The following IGF2R variants were observed in gnomAD, a reference collection of about 807,000 sequenced individuals.
The protein encoded by IGF2R is cation-independent mannose-6-phosphate receptor.
A neutral mutation model predicts 270.6 loss-of-function variants in IGF2R; 91 were observed. That is an observed-to-expected ratio of 0.34 (90% CI 0.28 to 0.40). IGF2R has a LOEUF of 0.40. Ranked by LOEUF, IGF2R falls within the 10% of genes least tolerant of loss-of-function variation. The pLI is 1.00. For synonymous variants in IGF2R, 1,316 were observed against 1,258.9 expected (o/e 1.05, Z -0.96); for missense variants, 2,805 against 3,188.3 (o/e 0.88, Z 2.90).
intron 9 of IGF2R, among the ~76,000 whole-genome samples, chr6:160,033,819 A>G (rs1320807030): frequency 6.6e-6 from 1 of 152,248 alleles, no homozygotes; most frequent in African/African-American, 2.4e-5. Flanking sequence ...AAAAAAATGC[A>G]TTCAGCACAT....
At chr6:160,080,313 G>A (rs762436198) in intron 39 of IGF2R, 38 bp downstream of exon 39, 6 of 1,598,204 alleles carry the variant, frequency 3.8e-6, no homozygotes, top group Admixed American at 3.4e-5. Context: ...ATGGCCTGGG[G>A]CCTTGATACT....
In IGF2R at chr6:160,096,474, A is replaced by G. The variant is rs758559711; in HGVS notation, c.6691A>G (p.Lys2231Glu). 7.4e-6 allele frequency: 12 copies of G among 1,613,388 alleles called. No homozygotes were observed. Among genetic ancestry groups the G allele is most frequent in the East Asian group, 2.2e-5 (1 of 44,850 alleles). Residue 2231 changes from lysine (K) to glutamate (E), a missense_variant, in exon 45 of 48, where the codon AAG becomes GAG. Coordinates refer to ENST00000356956, the MANE Select transcript of IGF2R (RefSeq NM_000876.4). ...CGATGTCGTGTTTGCCTCTTCCTCT[A>G]AGTGCGGAAAGGATAAGACCAAGTC... ...DLDVVFASSS[K>E]CGKDKTKSVS...
intron 44 of IGF2R, chr6:160,094,219 C>T (rs143925835): frequency 8.9e-5 from 30 of 338,402 alleles, no homozygotes; most frequent in African/African-American, 6.4e-4. Context: ...TCTCAGTATC[C>T]ATTCGCCAGT....
At position 160,078,240 on chromosome 6, in the gene IGF2R, G is replaced by T; in HGVS notation, c.5356G>T (p.Val1786Leu). Residue 1786 changes from valine to leucine, a missense_variant, in exon 37 of 48, where the codon GTG (valine) becomes TTG (leucine). Coordinates refer to ENST00000356956, the MANE Select transcript of IGF2R (RefSeq NM_000876.4). Reference sequence around the variant, plus strand: ...GTTAAGGACCAGCGAGTGCGACTTTGTGTTCGAATGGGAGACTCCTGTCGT... The same window carrying T: ...GTTAAGGACCAGCGAGTGCGACTTTTTGTTCGAATGGGAGACTCCTGTCGT... ...KLLRTSECDF[V>L]FEWETPVVCP... 1.2e-6 allele frequency: 2 copies of T among 1,614,234 alleles called. No individual in the cohort carries two copies. Among genetic ancestry groups the T allele is most frequent in the Non-Finnish European group, 1.7e-6 (2 of 1,180,022 alleles).
chr6:160,085,224 G>A lies in IGF2R; in HGVS notation c.6205+93G>A, dbSNP rs576901856. 5 of 1,366,226 alleles carry A rather than the reference G, an allele frequency of 3.7e-6. No individual in the cohort carries two copies. In the East Asian group the frequency reaches 1.2e-4, roughly 34 times the overall value. 84.6% of individuals were successfully genotyped at this position (1,366,226 alleles called of 1,614,324 possible). ...TCAGGATGGCAAGGAGAGTGAGCAT[G>A]TGCTTTGGTGGAAACCTCCAGATAT... is the stretch of plus-strand genomic sequence containing the variant. On this transcript the variant is annotated intron_variant, in intron 41 of 47. Coordinates refer to ENST00000356956, the MANE Select transcript of IGF2R (RefSeq NM_000876.4).
At chr6:159,990,339 C>G (rs1004688529) in intron 1 of IGF2R, among the ~76,000 whole-genome samples, 4 of 152,140 alleles carry the variant, frequency 2.6e-5, no homozygotes, top group African/African-American at 7.2e-5. Context: ...GGCGGTTACC[C>G]TTATGCTGTT....
At chr6:160,073,130 G>GTCCT in intron 33 of IGF2R, 83 bp from the exon 34 acceptor site, 1 of 1,553,518 alleles carries the variant, frequency 6.4e-7, no homozygotes, top group Non-Finnish European at 8.8e-7. Flanking sequence ...GAAATTGATG[G>GTCCT]TCCTGACTTG....
In IGF2R at chr6:160,010,672, AT is replaced by A. The variant is rs3215571; in HGVS notation, c.415-6del. 6.7e-4 allele frequency: 939 copies of A among 1,411,322 alleles called. No individual in the cohort carries two copies. Among genetic ancestry groups the A allele is most frequent in the Middle Eastern group, 1.2e-3 (7 of 5,652 alleles). 87.4% of individuals were successfully genotyped at this position (1,411,322 alleles called of 1,614,324 possible). A position where few individuals can be genotyped will look rare whatever the true frequency, so the allele number is the denominator to read the frequency against. Reference sequence around the variant, plus strand: ...GTGGTATGGTAACATTATAATTACTATTTTTTTTTAATAGGGAACTCCTGAA... The same window carrying A: ...GTGGTATGGTAACATTATAATTACTATTTTTTTTAATAGGGAACTCCTGAA... On this transcript the variant is annotated splice_polypyrimidine_tract_variant and intron_variant, in intron 3 of 47. Coordinates refer to ENST00000356956, the MANE Select transcript of IGF2R (RefSeq NM_000876.4).
At position 160,072,822 on chromosome 6, in the gene IGF2R, G is replaced by A; in HGVS notation, c.4628G>A (p.Ser1543Asn). ...SGRAGFTAAY[S>N]EKGLVYMSIC... ...AGGGCGGGATTCACAGCTGCTTACAGCGAGAAGGGGTTGGTTTACATGAGC... is the reference window on the plus strand; with the variant it reads ...AGGGCGGGATTCACAGCTGCTTACAACGAGAAGGGGTTGGTTTACATGAGC... Residue 1543 changes from serine (S) to asparagine (N), a missense_variant, in exon 33 of 48, where the codon AGC (serine) becomes AAC (asparagine). Transcript: ENST00000356956. 4 of 1,614,228 alleles carry A rather than the reference G, an allele frequency of 2.5e-6. No homozygotes were observed. In the South Asian group the frequency reaches 3.3e-5, roughly 13 times the overall value.
At chr6:160,089,314 G>T in intron 43 of IGF2R, 61 bp downstream of exon 43, 1 of 1,468,366 alleles carries the variant, frequency 6.8e-7, no homozygotes, top group South Asian at 1.2e-5. Context: ...CAGCAATGCC[G>T]CTCTTTCCCT....
rs893621235 is a variant in IGF2R, at chr6:159,998,082, G to A, written c.289+6759G>A. 2.0e-5 allele frequency among the ~76,000 whole-genome samples: 3 copies of A among 152,164 alleles called. No homozygotes were observed. The highest frequency in any genetic ancestry group is 7.2e-5 in the African/African-American group (3 of 41,446). ...GACATTATCCTTGGTGATATACTTA[G>A]GAAACTTACAGGTGAGATGGCCAGT... is the stretch of plus-strand genomic sequence containing the variant. On this transcript the variant is annotated intron_variant, in intron 2 of 47. Transcript: ENST00000356956. This position sits in a 1 kb window ranked among gnomAD's most constrained non-coding sequence, Gnocchi z 4.1.
At chr6:160,010,464 A>AT (rs1784316511) in intron 3 of IGF2R, 1 of 448,024 alleles carries the variant, frequency 2.2e-6, no homozygotes, top group South Asian at 3.6e-5. Flanking sequence ...ATTCCTTTGG[A>AT]TTAGTTACAC....
intron 4 of IGF2R, among the ~76,000 whole-genome samples, chr6:160,022,829 C>T (rs9457811): frequency 0.13 from 19,779 of 151,978 alleles, 1,373 homozygotes; most frequent in South Asian, 0.25. Context: ...TTACTAAGGG[C>T]GATGTTTCAT....
chr6:160,050,741 G>C lies in IGF2R; in HGVS notation c.2694+89G>C. 6.4e-6 allele frequency: 8 copies of C among 1,253,928 alleles called. No homozygotes were observed. The highest frequency in any genetic ancestry group is 8.8e-6 in the Non-Finnish European group (8 of 911,944). 77.7% of individuals were successfully genotyped at this position (1,253,928 alleles called of 1,614,324 possible). A position where few individuals can be genotyped will look rare whatever the true frequency, so the allele number is the denominator to read the frequency against. On this transcript the variant is annotated intron_variant, in intron 19 of 47. Coordinates refer to ENST00000356956, the MANE Select transcript of IGF2R (RefSeq NM_000876.4). This position sits in a 1 kb window ranked among gnomAD's most constrained non-coding sequence, Gnocchi z 4.0. Reference sequence around the variant, plus strand: ...GTGTCTCTTAACAGCAGCAGTCTTGGGGTGGGTGGCGGAGCTAGGCCAGTC... The same window carrying C: ...GTGTCTCTTAACAGCAGCAGTCTTGCGGTGGGTGGCGGAGCTAGGCCAGTC...
rs1349223394 is a variant in IGF2R, at chr6:159,969,157, G to T, written c.-90G>T. The T allele has an allele frequency of 3.9e-6, 3 of 775,392 alleles. No individual in the cohort carries two copies. The highest frequency in any genetic ancestry group is 4.7e-6 in the Non-Finnish European group (3 of 639,642). The allele number at this position is 775,392 out of a possible 1,614,324, so 48.0% of individuals were successfully genotyped here. ...CCGCTCCGTCTCCACCTCCGCCTTTGCCCTGGCGGCGCGACCCCGTCCCGG... is the reference window on the plus strand; with the variant it reads ...CCGCTCCGTCTCCACCTCCGCCTTTTCCCTGGCGGCGCGACCCCGTCCCGG... On this transcript the variant is annotated 5_prime_UTR_variant, in exon 1 of 48. Coordinates refer to ENST00000356956, the MANE Select transcript of IGF2R (RefSeq NM_000876.4).
intron 45 of IGF2R, among the ~76,000 whole-genome samples, chr6:160,099,456 T>G (rs1779435467): frequency 6.6e-6 from 1 of 152,122 alleles, no homozygotes; most frequent in Non-Finnish European, 1.5e-5. Context: ...AAGCTCTGCC[T>G]CCCAGGTTCA....
intron 42 of IGF2R, 147 bp downstream of exon 42, chr6:160,088,294 C>T (rs1779140294): frequency 1.6e-6 from 1 of 638,044 alleles, no homozygotes; most frequent in African/African-American, 1.8e-5. Flanking sequence ...CGGGGCTGCT[C>T]CAGGCAGGGA....
intron 10 of IGF2R, among the ~76,000 whole-genome samples, chr6:160,034,978 C>T (rs752972737): frequency 2.0e-5 from 3 of 152,118 alleles, no homozygotes; most frequent in Non-Finnish European, 4.4e-5. Context: ...TGCAGAATGT[C>T]ACTGGGTGCA....
At chr6:160,060,304 G>A (rs1262981392) in intron 22 of IGF2R, among the ~76,000 whole-genome samples, 3 of 151,978 alleles carry the variant, frequency 2.0e-5, no homozygotes, top group African/African-American at 7.3e-5. Context: ...TAAACCTGTT[G>A]TAACACAGGC....
Sources: gnomAD v4.1 joint callset for allele counts (sites outside exome capture counted in the v4.1 genomes callset) on GRCh38, gnomAD v4.1.1 for gene constraint, Gnocchi (gnomAD v3.1) non-coding constraint, MANE v1.5 for transcripts, NCBI Gene and HGNC (gene_info 2026-07-23, HGNC 2026-07-21) for gene names.